The following DNAAF4 variants were observed in gnomAD, a reference collection of about 807,000 sequenced individuals.
DNAAF4 encodes the protein dynein axonemal assembly factor 4.
In DNAAF4, 43 loss-of-function variants were observed where a neutral mutation model predicts 51.8. That is an observed-to-expected ratio of 0.83 (90% CI 0.65 to 1.07). DNAAF4 has a LOEUF of 1.07. Ranked by LOEUF, DNAAF4 falls within the 50% of genes least tolerant of loss-of-function variation. DNAAF4 has a pLI of 0.00. For synonymous variants in DNAAF4, 194 were observed against 165.6 expected (o/e 1.17, Z -1.32); for missense variants, 581 against 493.0 (o/e 1.18, Z -1.69).
intron 7 of DNAAF4, among the ~76,000 whole-genome samples, chr15:55,422,529 G>A (rs1273048617): frequency 6.6e-6 from 1 of 152,156 alleles, no homozygotes; most frequent in Non-Finnish European, 1.5e-5. Flanking sequence ...GACCAAGAAG[G>A]AGTGACTACT....
intron 4 of DNAAF4, among the ~76,000 whole-genome samples, chr15:55,469,069 G>T (rs570337017): frequency 1.3e-5 from 2 of 152,092 alleles, no homozygotes; most frequent in Non-Finnish European, 2.9e-5. Flanking sequence ...GGTGGCTCAC[G>T]CCTGAAATCC....
chr15:55,433,928 T>TATATTATATATAA (rs2057553592), intron 8 of DNAAF4, among the ~76,000 whole-genome samples: 1 of 5,998 alleles, frequency 1.7e-4, no homozygotes, highest in Non-Finnish European at 2.9e-4. Flanking sequence ...ATATATTATA[T>TATATTATATATAA]TATATAAAAT....
intron 1 of DNAAF4, 32 bp from the exon 2 acceptor site, chr15:55,498,616 A>C (rs2058672330): frequency 1.1e-5 from 3 of 261,590 alleles, no homozygotes; most frequent in South Asian, 1.0e-4. Flanking sequence ...AAAAAAAAGC[A>C]CTCTGTGGGT....
At chr15:55,419,865 G>C (rs2057373392) in intron 7 of DNAAF4, among the ~76,000 whole-genome samples, 1 of 152,052 alleles carries the variant, frequency 6.6e-6, no homozygotes. Context: ...AGCTGGGCAT[G>C]GCGGCGGGTG....
chr15:55,438,279 A>T (rs567268765), intron 7 of DNAAF4, among the ~76,000 whole-genome samples: 1 of 150,846 alleles, frequency 6.6e-6, no homozygotes, highest in East Asian at 2.0e-4. Context: ...TGAACCTGGG[A>T]GGTGGAGTTT....
chr15:55,498,506 C>A lies in DNAAF4; in HGVS notation c.-177G>T. The A allele has an allele frequency of 2.4e-6, 2 of 835,018 alleles. No homozygotes were observed. Among genetic ancestry groups the A allele is most frequent in the Non-Finnish European group, 3.5e-6 (2 of 565,820 alleles). The allele number at this position is 835,018 out of a possible 1,614,324, so 51.7% of individuals were successfully genotyped here. On this transcript the variant is annotated 5_prime_UTR_variant, in exon 2 of 10. Coordinates refer to ENST00000321149, the MANE Select transcript of DNAAF4 (RefSeq NM_130810.4). ...GACTCCATGCGTGACTATCCAGGCGCCCAGACCAGAGAGTGATGCCGATTC... is the reference window on the plus strand; with the variant it reads ...GACTCCATGCGTGACTATCCAGGCGACCAGACCAGAGAGTGATGCCGATTC...
chr15:55,431,725 G>A (rs999476540), intron 9 of DNAAF4, among the ~76,000 whole-genome samples: 1 of 151,792 alleles, frequency 6.6e-6, no homozygotes, highest in Non-Finnish European at 1.5e-5. Flanking sequence ...TGATCCACCT[G>A]CTTCGGCCTC....
chr15:55,433,917 T>TATATA (rs377316695), intron 8 of DNAAF4, among the ~76,000 whole-genome samples: 27,450 of 36,162 alleles, frequency 0.76, 10,804 homozygotes, highest in East Asian at 0.97. Flanking sequence ...TATATAATTA[T>TATATA]ATATATTATA....
rs147809844 is a variant in DNAAF4, at chr15:55,484,262, T to C, written c.405+6861A>G. On this transcript the variant is annotated intron_variant, in intron 4 of 9. Transcript: ENST00000321149. ...ACTTTGGGAGGCTGAGACAGGTGAA[T>C]CACGAGGTCAGGAGATCGAGATCAT... is the stretch of plus-strand genomic sequence containing the variant. Among the ~76,000 whole-genome samples, 209 of 152,074 alleles carry C rather than the reference T, an allele frequency of 1.4e-3. 2 individuals are homozygous for C. Among genetic ancestry groups the C allele is most frequent in the African/African-American group, 4.8e-3 (200 of 41,484 alleles).
At chr15:55,461,674 C>T (rs765395696) in intron 5 of DNAAF4, among the ~76,000 whole-genome samples, 19 of 152,190 alleles carry the variant, frequency 1.2e-4, no homozygotes, top group Non-Finnish European at 2.2e-4. Flanking sequence ...TAAACGCCTA[C>T]ATCAAAAAGT....
intron 8 of DNAAF4, among the ~76,000 whole-genome samples, chr15:55,433,823 T>C (rs1221859331): frequency 9.3e-5 from 8 of 86,050 alleles, no homozygotes; most frequent in Non-Finnish European, 1.3e-4. Flanking sequence ...ATATATATTA[T>C]ATATATTACA....
intron 6 of DNAAF4, among the ~76,000 whole-genome samples, chr15:55,447,444 T>C (rs1472579333): frequency 6.6e-6 from 1 of 151,784 alleles, no homozygotes; most frequent in African/African-American, 2.4e-5. Flanking sequence ...GTGGAGGTTG[T>C]AGCGAGCCGA....
chr15:55,485,732 C>T (rs543113993), intron 4 of DNAAF4, among the ~76,000 whole-genome samples: 26 of 152,206 alleles, frequency 1.7e-4, no homozygotes, highest in South Asian at 4.1e-4. Context: ...CAGTGGCTCA[C>T]GCCTGTAATC....
intron 6 of DNAAF4, among the ~76,000 whole-genome samples, chr15:55,445,153 A>C (rs1455482731): frequency 6.6e-6 from 1 of 151,554 alleles, no homozygotes; most frequent in Non-Finnish European, 1.5e-5. Context: ...CACATGAACA[A>C]AGGTCTCTGG....
chr15:55,497,382 TGACCGGTCAGGAGTGTGA>T (rs2058654880), intron 3 of DNAAF4, among the ~76,000 whole-genome samples: 1 of 151,882 alleles, frequency 6.6e-6, no homozygotes, highest in Non-Finnish European at 1.5e-5. Context: ...GATCACTTAA[TGACCGGTCAGGAGTGTGA>T]GACCAGCCTG....
downstream of DNAAF4, among the ~76,000 whole-genome samples, chr15:55,429,469 G>A (rs1458153827): frequency 2.7e-5 from 4 of 146,572 alleles, no homozygotes. Context: ...AGCGAGCTAT[G>A]ATCAGGCCAC....
chr15:55,483,833 CTTTTTTTTTTTTTTT>C lies in DNAAF4; in HGVS notation c.405+7275_405+7289del, dbSNP rs71105887. 2.7e-3 allele frequency among the ~76,000 whole-genome samples: 221 copies of C among 82,484 alleles called. 1 individual carries two copies. The highest frequency in any genetic ancestry group is 3.7e-3 in the Non-Finnish European group (170 of 45,648). The allele number at this position is 82,484 out of a possible 152,430, so 54.1% of individuals were successfully genotyped here. On this transcript the variant is annotated intron_variant, in intron 4 of 9. Transcript: ENST00000321149. ...GAGCCATCACACCCAGCCAATAAAG[CTTTTTTTTTTTTTTT>C]TTTTTTTTTTTTTTTTTTTTTTTAA...
intron 3 of DNAAF4, 51 bp from the exon 4 acceptor site, chr15:55,491,307 C>T: frequency 6.4e-7 from 1 of 1,561,652 alleles, no homozygotes; most frequent in Non-Finnish European, 8.7e-7. Flanking sequence ...ATTTGCTTTA[C>T]TTATGAGAAA....
chr15:55,443,187 G>A, intron 6 of DNAAF4: 1 of 1,610,008 alleles, frequency 6.2e-7, no homozygotes, highest in Non-Finnish European at 8.5e-7. Flanking sequence ...GCAGTCTTAG[G>A]TCCTTGTTCC....
Sources: gnomAD v4.1 joint callset for allele counts (sites outside exome capture counted in the v4.1 genomes callset) on GRCh38, gnomAD v4.1.1 for gene constraint, MANE v1.5 for transcripts, NCBI Gene and HGNC (gene_info 2026-07-23, HGNC 2026-07-21) for gene names.